Variants in C8orf88 observed in about 807,000 individuals in gnomAD.
C8orf88 encodes uncharacterized protein C8orf88.
A neutral mutation model predicts 18.4 loss-of-function variants in C8orf88; 14 were observed. The ratio of observed to expected loss-of-function variants is 0.76; its 90% CI spans 0.50 to 1.19. C8orf88 has a LOEUF of 1.19. Among genes scored for constraint, C8orf88 ranks in the 50% most tolerant of loss-of-function variants. The pLI is 0.00. For missense variants in C8orf88, 116 were observed against 134.7 expected, an observed-to-expected ratio of 0.86 and a Z score of 0.69; for synonymous variants, 45 against 42.9, an observed-to-expected ratio of 1.05 and a Z score of -0.19.
intron 5 of C8orf88, among the ~76,000 whole-genome samples, chr8:90,960,376 A>T (rs55999403): frequency 0.21 from 31,842 of 151,342 alleles, 5,776 homozygotes; most frequent in African/African-American, 0.5. Context: ...AAATATTTTT[A>T]AAATGACTGG....
chr8:90,961,640 G>A (rs1811128160), intron 4 of C8orf88, among the ~76,000 whole-genome samples: 1 of 151,332 alleles, frequency 6.6e-6, no homozygotes, highest in Non-Finnish European at 1.5e-5. Flanking sequence ...AATTATACTA[G>A]ATGGAAACTT....
Position 90,959,018 on chromosome 8 carries a change from TTTGG to T in C8orf88, c.339_342del (p.Asn113LysfsTer23), listed in dbSNP as rs1396124500. The stretch of plus-strand genomic sequence containing the variant: ...CTGTTCTTAAAATGCTACTTAAAAC[TTTGG>T]TTGTTTTCCTGTAATATAAAAGAAA... On this transcript the variant is annotated frameshift_variant, in exon 6 of 6. Transcript: ENST00000517562. LOFTEE classifies it high-confidence loss of function. 1.1e-5 allele frequency: 16 copies of T among 1,403,070 alleles called. No homozygotes were observed. Among genetic ancestry groups the T allele is most frequent in the African/African-American group, 1.5e-5 (1 of 68,068 alleles). 86.9% of individuals were successfully genotyped at this position (1,403,070 alleles called of 1,614,324 possible). A position where few individuals can be genotyped will look rare whatever the true frequency, so the allele number is the denominator to read the frequency against.
At chr8:90,960,944 T>C (rs1465176014) in intron 4 of C8orf88, 96 bp from the exon 5 acceptor site, 1 of 595,294 alleles carries the variant, frequency 1.7e-6, no homozygotes, top group Non-Finnish European at 2.8e-6. Context: ...CTATTCATTA[T>C]ATAAAATGAT....
intron 4 of C8orf88, among the ~76,000 whole-genome samples, chr8:90,968,065 A>G (rs1351880677): frequency 6.6e-6 from 1 of 151,796 alleles, no homozygotes; most frequent in Non-Finnish European, 1.5e-5. Flanking sequence ...AGAAATGGAA[A>G]CGTTGATCTC....
intron 3 of C8orf88, among the ~76,000 whole-genome samples, chr8:90,972,969 C>T (rs977009118): frequency 6.6e-5 from 10 of 152,092 alleles, no homozygotes; most frequent in East Asian, 1.9e-4. Flanking sequence ...GTAGTGGACC[C>T]GTTGAACTCA....
In C8orf88 at chr8:90,977,114, G is replaced by A. The variant is rs186929791; in HGVS notation, c.147+1465C>T. 1.9e-3 allele frequency among the ~76,000 whole-genome samples: 290 copies of A among 152,020 alleles called. 1 individual carries two copies. The highest frequency in any genetic ancestry group is 6.7e-3 in the African/African-American group (278 of 41,484). ...AAAAGAATAAAATCCTGGAAAAATG[G>A]GATAATAATTTGCATTGGCAATTCA... On this transcript the variant is annotated intron_variant, in intron 3 of 5. Coordinates refer to ENST00000517562, the MANE Select transcript of C8orf88 (RefSeq NM_001190972.2).
chr8:90,979,041 C>T (rs1459975842), intron 2 of C8orf88, among the ~76,000 whole-genome samples: 1 of 152,142 alleles, frequency 6.6e-6, no homozygotes, highest in African/African-American at 2.4e-5. Flanking sequence ...TAAAAGAAAA[C>T]GTAGTGATTC....
chr8:90,967,438 C>T (rs1368474373), intron 4 of C8orf88, among the ~76,000 whole-genome samples: 1 of 151,666 alleles, frequency 6.6e-6, no homozygotes, highest in East Asian at 1.9e-4. Context: ...GAAGTGTTAC[C>T]CCTCTTCATG....
At position 90,963,394 on chromosome 8, in the gene C8orf88, T is replaced by C. The variant is rs1483468904; in HGVS notation, c.224-2546A>G. On this transcript the variant is annotated intron_variant, in intron 4 of 5. Coordinates refer to ENST00000517562, the MANE Select transcript of C8orf88 (RefSeq NM_001190972.2). The stretch of plus-strand genomic sequence containing the variant: ...AGCCACATTTATAACATTCAAAATG[T>C]CCAGTTCTCAACCACCACAACAAAA... Among the ~76,000 whole-genome samples the C allele has an allele frequency of 2.6e-5, 4 of 151,624 alleles. No homozygotes were observed. The Admixed American group carries it at 2.6e-4, about 10-fold the overall frequency.
At chr8:90,981,017 A>T (rs932653685) in intron 1 of C8orf88, among the ~76,000 whole-genome samples, 4 of 152,152 alleles carry the variant, frequency 2.6e-5, no homozygotes, top group African/African-American at 9.7e-5. Flanking sequence ...GCTAAAACTC[A>T]TCTATGCTCA....
chr8:90,964,528 C>T (rs1343010579), intron 4 of C8orf88, among the ~76,000 whole-genome samples: 3 of 151,564 alleles, frequency 2.0e-5, no homozygotes, highest in Admixed American at 2.0e-4. Context: ...GGGAATCCTT[C>T]AGACTTAAAG....
chr8:90,962,416 AG>A (rs1811140920), intron 4 of C8orf88, among the ~76,000 whole-genome samples: 1 of 151,604 alleles, frequency 6.6e-6, no homozygotes, highest in African/African-American at 2.4e-5. Flanking sequence ...GAACTCTAAA[AG>A]TCTTTCACTC....
At position 90,966,007 on chromosome 8, in the gene C8orf88, G is replaced by A. The variant is rs575677958; in HGVS notation, c.223+5059C>T. ...ACTAAATCAAATACTAGAAAAAAAT[G>A]AACTAAATAATAAAGATCAGAGTGA... On this transcript the variant is annotated intron_variant, in intron 4 of 5. Transcript: ENST00000517562. Among the ~76,000 whole-genome samples, 814 of 151,598 alleles carry A rather than the reference G, an allele frequency of 5.4e-3. 4 individuals are homozygous for A. The highest frequency in any genetic ancestry group is 0.011 in the Admixed American group (169 of 15,160).
intron 1 of C8orf88, among the ~76,000 whole-genome samples, chr8:90,982,358 C>A (rs1190050049): frequency 6.6e-6 from 1 of 152,070 alleles, no homozygotes; most frequent in Non-Finnish European, 1.5e-5. Flanking sequence ...TGATGTTTAT[C>A]CTAGCTATTT....
intron 4 of C8orf88, among the ~76,000 whole-genome samples, chr8:90,968,068 T>C (rs1400143406): frequency 1.3e-5 from 2 of 151,696 alleles, no homozygotes; most frequent in African/African-American, 2.4e-5. Flanking sequence ...AATGGAAACG[T>C]TGATCTCAAA....
chr8:90,980,024 A>T (rs1811410290), intron 2 of C8orf88, among the ~76,000 whole-genome samples: 2 of 152,154 alleles, frequency 1.3e-5, no homozygotes, highest in African/African-American at 4.8e-5. Flanking sequence ...TCTCTCCAGC[A>T]TGATTGCCCT....
rs557832328 is a variant in C8orf88, at chr8:90,968,490, G to T, written c.223+2576C>A. Reference sequence around the variant, plus strand: ...ACTATAAAACTCTTAGAAGGAAACGGGTAAATCTTAATGACCTTAGATTTG... The same window carrying T: ...ACTATAAAACTCTTAGAAGGAAACGTGTAAATCTTAATGACCTTAGATTTG... On this transcript the variant is annotated intron_variant, in intron 4 of 5. Transcript: ENST00000517562. Among the ~76,000 whole-genome samples the T allele has an allele frequency of 2.7e-5, 4 of 150,834 alleles. No homozygotes were observed. The South Asian group carries it at 8.4e-4, about 32-fold the overall frequency.
Position 90,981,718 on chromosome 8 carries a change from C to T in C8orf88, c.-26-1257G>A, listed in dbSNP as rs77615315. Among the ~76,000 whole-genome samples the T allele has an allele frequency of 7.8e-4, 118 of 152,204 alleles. 1 individual carries two copies. Among genetic ancestry groups the T allele is most frequent in the African/African-American group, 2.7e-3 (114 of 41,540 alleles). Reference sequence around the variant, plus strand: ...CTTATTTATTTTTGTATTCTAGTATCTGCAACATAGATTTATTAAATAAAC... The same window carrying T: ...CTTATTTATTTTTGTATTCTAGTATTTGCAACATAGATTTATTAAATAAAC... On this transcript the variant is annotated intron_variant, in intron 1 of 5. Transcript: ENST00000517562.
intron 4 of C8orf88, among the ~76,000 whole-genome samples, chr8:90,963,601 AC>A (rs1811157060): frequency 6.6e-6 from 1 of 151,760 alleles, no homozygotes; most frequent in African/African-American, 2.4e-5. Flanking sequence ...TAAATAGAGA[AC>A]ATCAATAAAG....
Sources: allele counts gnomAD v4.1 joint callset (sites outside exome capture counted in the v4.1 genomes callset), GRCh38; gene constraint gnomAD v4.1.1; transcripts MANE v1.5; gene names NCBI Gene and HGNC (gene_info 2026-07-23, HGNC 2026-07-21).